WDR87: variants seen among roughly 807,000 people sequenced by gnomAD.
WDR87 encodes the protein WD repeat domain 87.
Under a neutral mutation model 83.3 loss-of-function variants are expected in WDR87, and 56 were observed. That is an observed-to-expected ratio of 0.67 (90% CI 0.54 to 0.84). The LOEUF is 0.84. Among genes scored for constraint, WDR87 ranks in the 40% least tolerant of loss-of-function variants. The pLI is 0.00. For missense variants in WDR87, 2,939 were observed against 3,431.9 expected, an observed-to-expected ratio of 0.86 and a Z score of 3.59; for synonymous variants, 1,173 against 1,250.6, an observed-to-expected ratio of 0.94 and a Z score of 1.31.
Position 37,892,788 on chromosome 19 carries a change from G to T in WDR87, c.2915C>A (p.Ser972Tyr). Residue 972 changes from serine (S) to tyrosine (Y), a missense_variant, in exon 4 of 6, where the codon TCC becomes TAC. Around this residue, in one of 3 missense-constraint regions of WDR87, gnomAD observed 2,160 missense variants for 2,533.1 expected, o/e 0.85. Coordinates refer to ENST00000447313, the MANE Select transcript of WDR87 (RefSeq NM_001291088.2). ...AGCTAGTTCTCGGATCAGCGGGTTG[G>T]AATTGGTTGTATCATTCAGTAGCCG... ...ARRLLNDTTN[S>Y]NPLIRELAWE... The T allele has an allele frequency of 1.3e-6, 2 of 1,551,680 alleles. No homozygotes were observed. Among genetic ancestry groups the T allele is most frequent in the African/African-American group, 1.4e-5 (1 of 73,162 alleles).
At position 37,889,446 on chromosome 19, in the gene WDR87, C is replaced by A. The variant is rs1349337694; in HGVS notation, c.4225G>T (p.Gly1409Cys). The A allele has an allele frequency of 4.5e-6, 7 of 1,551,692 alleles. No individual in the cohort carries two copies. The highest frequency in any genetic ancestry group is 6.1e-6 in the Non-Finnish European group (7 of 1,147,034). The change falls in exon 6 of 6, where the codon GGC (glycine) becomes TGC (cysteine). Residue 1409 changes from glycine (G) to cysteine (C), a missense_variant. Around this residue, in one of 3 missense-constraint regions of WDR87, gnomAD observed 2,160 missense variants for 2,533.1 expected, o/e 0.85. Transcript: ENST00000447313. ...LEETQVILKK[G>C]KKVIFLEPGN... is the part of the protein sequence containing the mutation. ...GGTTCTAAAAAAATAACTTTCTTGCCCTTTTTCAAAATCACTTGGGTTTCC... is the reference window on the plus strand; with the variant it reads ...GGTTCTAAAAAAATAACTTTCTTGCACTTTTTCAAAATCACTTGGGTTTCC...
Position 37,885,056 on chromosome 19 carries a change from A to G in WDR87, c.8615T>C (p.Val2872Ala), listed in dbSNP as rs1285142130. ...AATGCCCACGGGAAGGATGGTGCGC[A>G]CACAGTTCTGCCATGGGAGGGGTAC... ...GAVPLPWQNC[V>A]RTILPVGIAR... The change falls in exon 6 of 6, where the codon GTG (valine) becomes GCG (alanine). Residue 2872 changes from valine (V) to alanine (A), a missense_variant. Coordinates refer to ENST00000447313, the MANE Select transcript of WDR87 (RefSeq NM_001291088.2). 2 of 1,470,582 alleles carry G rather than the reference A, an allele frequency of 1.4e-6. No homozygotes were observed. Among genetic ancestry groups the G allele is most frequent in the Non-Finnish European group, 1.8e-6 (2 of 1,109,714 alleles). The allele number at this position is 1,470,582 out of a possible 1,614,324, so 91.1% of individuals were successfully genotyped here. A position where few individuals can be genotyped will look rare whatever the true frequency, so the allele number is the denominator to read the frequency against.
intron 2 of WDR87, 62 bp downstream of exon 2, chr19:37,898,103 T>G (rs892272778): frequency 6.5e-7 from 1 of 1,535,264 alleles, no homozygotes; most frequent in African/African-American, 1.4e-5. Context: ...TCTGAAATGC[T>G]CATGACTGTA....
At chr19:37,890,731 C>T (rs1325446510) in intron 5 of WDR87, among the ~76,000 whole-genome samples, 8 of 152,176 alleles carry the variant, frequency 5.3e-5, no homozygotes, top group Non-Finnish European at 1.2e-4. Context: ...TAACCTCTGG[C>T]CCTAGGCAAC....
chr19:37,896,359 A>C, intron 2 of WDR87, 51 bp from the exon 3 acceptor site: 1 of 1,528,658 alleles, frequency 6.5e-7, no homozygotes, highest in Middle Eastern at 1.7e-4. Flanking sequence ...GAGGCACTAA[A>C]TATATTCTCG....
In WDR87 at chr19:37,898,261, C is replaced by T. The variant is rs1343487075; in HGVS notation, c.-22G>A. On this transcript the variant is annotated 5_prime_UTR_variant, in exon 2 of 6. Coordinates refer to ENST00000447313, the MANE Select transcript of WDR87 (RefSeq NM_001291088.2). ...ACATCACCGTCAGACTCCCTTGGCC[C>T]TCCTGAGGACTGTTGCTTAAAAACC... 2 of 1,549,750 alleles carry T rather than the reference C, an allele frequency of 1.3e-6. No individual in the cohort carries two copies. The highest frequency in any genetic ancestry group is 1.4e-5 in the African/African-American group (1 of 72,934).
At chr19:37,903,402 G>A (rs971404481) in intron 1 of WDR87, among the ~76,000 whole-genome samples, 1 of 152,324 alleles carries the variant, frequency 6.6e-6, no homozygotes, top group Admixed American at 6.5e-5. Flanking sequence ...TTTCCAGGCT[G>A]ACAAACATAC....
intron 1 of WDR87, among the ~76,000 whole-genome samples, chr19:37,901,839 G>A (rs776108901): frequency 9.3e-5 from 14 of 151,280 alleles, no homozygotes; most frequent in South Asian, 2.1e-4. Flanking sequence ...TCAGCCTACC[G>A]AGTAACTGGG....
rs369925490 is a variant in WDR87, at chr19:37,904,060, GC to G, written c.-47+2438del. ...AGTAGCTACAGGCGCCCGCCACCAT[GC>G]CTGGCTAATTTTTTGTATTTTTAAT... On this transcript the variant is annotated intron_variant, in intron 1 of 5. Transcript: ENST00000447313. Among the ~76,000 whole-genome samples, 382 of 151,510 alleles carry G rather than the reference GC, an allele frequency of 2.5e-3. 2 individuals carry two copies. The highest frequency in any genetic ancestry group is 0.025 in the South Asian group (118 of 4,792).
chr19:37,892,631 A>C lies in WDR87; in HGVS notation c.3072T>G (p.Ser1024=). 6.5e-7 allele frequency: 1 copy of C among 1,545,418 alleles called. No individual in the cohort carries two copies. The highest frequency in any genetic ancestry group is 8.8e-7 in the Non-Finnish European group (1 of 1,141,972). The stretch of plus-strand genomic sequence containing the variant: ...GGGTCAGCTGTAAGAGTGAGGTCCT[A>C]GAGTGGATTCCAATCTCAGCCATGA... ...LSLMAEIGIH[S]RTSLLQLTQK... is the part of the protein sequence containing the mutation. Residue 1024 remains serine, a synonymous_variant, in exon 4 of 6, where the codon TCT becomes TCG. Coordinates refer to ENST00000447313, the MANE Select transcript of WDR87 (RefSeq NM_001291088.2).
chr19:37,896,403 T>C, intron 2 of WDR87, 95 bp from the exon 3 acceptor site: 1 of 1,366,402 alleles, frequency 7.3e-7, no homozygotes, highest in Non-Finnish European at 9.9e-7. Context: ...CCCAAAGTCA[T>C]GCTTCCCACC....
Position 37,885,213 on chromosome 19 carries a change from G to T in WDR87, c.8458C>A (p.Pro2820Thr). The stretch of plus-strand genomic sequence containing the variant: ...TCGTAGATGATCTCTTGGGGTTGAG[G>T]TTCCTCTCTCATTAGCAGCTCCTGA... ...LLQELLMREE[P>T]QPQEIIYEEA... The change falls in exon 6 of 6, where the codon CCT (proline) becomes ACT (threonine). Residue 2820 changes from proline (P) to threonine (T), a missense_variant. By Grantham distance (38) the Pro-to-Thr change is conservative. This residue lies in a region of WDR87 where 2,160 missense variants were observed against 2,533.1 expected (regional missense o/e 0.85). Transcript: ENST00000447313. 1.3e-6 allele frequency: 2 copies of T among 1,489,828 alleles called. No individual in the cohort carries two copies. Among genetic ancestry groups the T allele is most frequent in the Non-Finnish European group, 1.8e-6 (2 of 1,121,560 alleles). The allele number at this position is 1,489,828 out of a possible 1,614,324, so 92.3% of individuals were successfully genotyped here.
At chr19:37,901,756 C>T (rs1450632443) in intron 1 of WDR87, among the ~76,000 whole-genome samples, 6 of 151,796 alleles carry the variant, frequency 4.0e-5, no homozygotes, top group East Asian at 1.9e-4. Flanking sequence ...CTCTGTTGCC[C>T]GGGCTGGAGT....
chr19:37,895,554 G>C, intron 3 of WDR87, 98 bp from the exon 4 acceptor site: 1 of 1,123,988 alleles, frequency 8.9e-7, no homozygotes, highest in Non-Finnish European at 1.2e-6. Flanking sequence ...GATCACCTGA[G>C]GTCAGGAGTT....
rs779216048 is a variant in WDR87, at chr19:37,886,677, CCT to C, written c.6992_6993del (p.Lys2331ArgfsTer15). The C allele has an allele frequency of 2.7e-6, 4 of 1,484,834 alleles. No homozygotes were observed. The African/African-American group carries it at 5.6e-5, about 21-fold the overall frequency. The allele number at this position is 1,484,834 out of a possible 1,614,324, so 92.0% of individuals were successfully genotyped here. A position where few individuals can be genotyped will look rare whatever the true frequency, so the allele number is the denominator to read the frequency against. On this transcript the variant is annotated frameshift_variant, in exon 6 of 6. Transcript: ENST00000447313. LOFTEE classifies it low-confidence loss of function (END_TRUNC). ...KEEEEKKKKK[K>X]EKKKEEVQEK... ...TCCTGAACCTCCTCCTTCTTCTTTT[CCT>C]TTTTCTTCTTCTTCTTCTCCTCCTC...
rs1281550425 is a variant in WDR87 at position 37,887,366 on chromosome 19, CT to C, written c.6304del (p.Arg2102GlyfsTer11). Reference protein sequence around the residue: ...AKASRKLIKKRESLSKEPAKL... With the variant: ...AKASRKLIKKXESLSKEPAKL... ...TGCTGGTTCCTTGGAAAGGCTCTCC[CT>C]TTTTTTAATCAACTTCCTTGAAGCC... is the stretch of plus-strand genomic sequence containing the variant. On this transcript the variant is annotated frameshift_variant, in exon 6 of 6. Transcript: ENST00000447313. LOFTEE classifies it low-confidence loss of function (END_TRUNC). 6.4e-7 allele frequency: 1 copy of C among 1,551,628 alleles called. No homozygotes were observed.
chr19:37,890,778 CT>C (rs1285956494), intron 5 of WDR87, among the ~76,000 whole-genome samples: 2 of 152,050 alleles, frequency 1.3e-5, no homozygotes, highest in Non-Finnish European at 2.9e-5. Context: ...ATTCATTTGC[CT>C]TTTTTAGGAT....
chr19:37,887,698 T>A lies in WDR87; in HGVS notation c.5973A>T (p.Gly1991=). The A allele has an allele frequency of 6.4e-7, 1 of 1,552,346 alleles. No homozygotes were observed. Among genetic ancestry groups the A allele is most frequent in the Non-Finnish European group, 8.7e-7 (1 of 1,147,130 alleles). ...TTTCTTCCTTAGCAATATCCAACTCTCCTCTGAGCCGTTTCTTTCCTTGGA... is the reference window on the plus strand; with the variant it reads ...TTTCTTCCTTAGCAATATCCAACTCACCTCTGAGCCGTTTCTTTCCTTGGA... The part of the protein sequence containing the change: ...AMVQGKKRLR[G]ELDIAKEEKA... Residue 1991 remains glycine (G), a synonymous_variant, in exon 6 of 6, where the codon GGA becomes GGT. Coordinates refer to ENST00000447313, the MANE Select transcript of WDR87 (RefSeq NM_001291088.2).
rs2046183243 is a variant in WDR87 at position 37,889,444 on chromosome 19, GC to G, written c.4226del (p.Gly1409AlafsTer7). On this transcript the variant is annotated frameshift_variant, in exon 6 of 6. Transcript: ENST00000447313. LOFTEE classifies it low-confidence loss of function (END_TRUNC). ...CTGGTTCTAAAAAAATAACTTTCTT[GC>G]CCTTTTTCAAAATCACTTGGGTTTC... ...LEETQVILKK[G>X]KKVIFLEPGN... 1 of 1,551,498 alleles carries G rather than the reference GC, an allele frequency of 6.4e-7. No homozygotes were observed. The highest frequency in any genetic ancestry group is 1.4e-5 in the African/African-American group (1 of 73,002).
Sources: allele counts gnomAD v4.1 joint callset (sites outside exome capture counted in the v4.1 genomes callset), GRCh38; gene constraint gnomAD v4.1.1; regional missense constraint gnomAD v4.1.1; transcripts MANE v1.5; gene names NCBI Gene and HGNC (gene_info 2026-07-23, HGNC 2026-07-21).